ADGRD1: variants seen among roughly 807,000 people sequenced by gnomAD.
ADGRD1 encodes adhesion G protein-coupled receptor D1.
Under a neutral mutation model 113.4 loss-of-function variants are expected in ADGRD1, and 77 were observed. The ratio of observed to expected loss-of-function variants is 0.68; its 90% CI spans 0.57 to 0.82. The LOEUF (loss-of-function observed/expected upper bound fraction) is 0.82. Among genes scored for constraint, ADGRD1 ranks in the 40% least tolerant of loss-of-function variants. ADGRD1 has a pLI of 0.00. For missense variants in ADGRD1, 1,036 were observed against 1,139.1 expected (o/e 0.91, Z 1.30); for synonymous variants, 474 against 475.0 (o/e 1.00, Z 0.03).
At chr12:130,973,295 G>A (rs188515131) in intron 4 of ADGRD1, 2 of 152,340 alleles carry the variant, frequency 1.3e-5, no homozygotes, top group Admixed American at 6.5e-5. Flanking sequence ...TGGGGATCTT[G>A]GGCAACCACT....
intron 13 of ADGRD1, chr12:131,028,078 G>C (rs998344339): frequency 1.3e-5 from 2 of 152,188 alleles, no homozygotes; most frequent in African/African-American, 4.8e-5. Context: ...GCGGGCACTG[G>C]TTCACTCTCC....
rs374268471 is a variant in ADGRD1 at position 131,102,250 on chromosome 12, G to A, written c.1672-2581G>A. 3.6e-4 allele frequency among the ~76,000 whole-genome samples: 55 copies of A among 152,338 alleles called. No homozygotes were observed. In the South Asian group the frequency reaches 5.4e-3, roughly 15 times the overall value. ...AGAAACTGAGTTCCCTTCACCCACC[G>A]CGGCTATGCGATTAATGGGAGTAGC... is the stretch of plus-strand genomic sequence containing the variant. On this transcript the variant is annotated intron_variant, in intron 15 of 24. Coordinates refer to ENST00000261654, the MANE Select transcript of ADGRD1 (RefSeq NM_198827.5).
rs990493183 is a variant in ADGRD1 at position 131,050,768 on chromosome 12, C to T, written c.1474-26033C>T. 6.6e-6 allele frequency among the ~76,000 whole-genome samples: 1 copy of T among 152,066 alleles called. No homozygotes were observed. The highest frequency in any genetic ancestry group is 6.5e-5 in the Admixed American group (1 of 15,268). ...GCACGGATGGGGTGGGGGATGGATT[C>T]GGGATGAAACTGTTCCCCCTCAGAT... On this transcript the variant is annotated intron_variant, in intron 13 of 24. Coordinates refer to ENST00000261654, the MANE Select transcript of ADGRD1 (RefSeq NM_198827.5). This position sits in a 1 kb window ranked among gnomAD's most constrained non-coding sequence, Gnocchi z 4.8.
intron 13 of ADGRD1, among the ~76,000 whole-genome samples, chr12:131,020,372 A>G (rs1879188650): frequency 6.6e-6 from 1 of 151,254 alleles, no homozygotes; most frequent in Non-Finnish European, 1.5e-5. Context: ...TGCTTCAGGG[A>G]GATGTTCCAG....
rs551742599 is a variant in ADGRD1 at position 131,116,852 on chromosome 12, C to T, written c.2042-1533C>T. Among the ~76,000 whole-genome samples the T allele has an allele frequency of 5.9e-5, 9 of 152,360 alleles. No homozygotes were observed. In the South Asian group the frequency reaches 1.7e-3, roughly 28 times the overall value. The stretch of plus-strand genomic sequence containing the variant: ...TGTGCTCAGGGTGGCTGCACTAGAG[C>T]AGGCCCCGTGGATGATGCCCCACTT... On this transcript the variant is annotated intron_variant, in intron 18 of 24. Transcript: ENST00000261654.
At chr12:131,124,981 A>C (rs1725789) in intron 20 of ADGRD1, among the ~76,000 whole-genome samples, 1 of 152,054 alleles carries the variant, frequency 6.6e-6, no homozygotes, top group African/African-American at 2.4e-5. Context: ...AGGTGTCGTC[A>C]GGGTTGGTTC....
rs974165218 is a variant in ADGRD1 at position 131,075,936 on chromosome 12, A to G, written c.1474-865A>G. 1.3e-5 allele frequency among the ~76,000 whole-genome samples: 2 copies of G among 152,180 alleles called. No homozygotes were observed. The highest frequency in any genetic ancestry group is 2.1e-4 in the South Asian group (1 of 4,818). On this transcript the variant is annotated intron_variant, in intron 13 of 24. Transcript: ENST00000261654. The surrounding 1 kb of genome is among the most constrained non-coding windows in gnomAD (Gnocchi z 5.3). ...ACTGGGAATCCATCAGACACCATTT[A>G]TCCCGGAGCCATGCCACCTCTGAGC...
intron 13 of ADGRD1, among the ~76,000 whole-genome samples, chr12:131,037,491 T>A (rs1253515560): frequency 2.8e-5 from 3 of 107,116 alleles, no homozygotes; most frequent in East Asian, 3.1e-4. Context: ...CTCACTGCAC[T>A]GGGTCTTACT....
At chr12:131,017,273 C>G (rs1213082100) in intron 13 of ADGRD1, among the ~76,000 whole-genome samples, 2 of 144,764 alleles carry the variant, frequency 1.4e-5, no homozygotes, top group African/African-American at 2.6e-5. Context: ...CACACCCAGT[C>G]CACACACACC....
At position 131,134,601 on chromosome 12, in the gene ADGRD1, C is replaced by G. The variant is rs555097225; in HGVS notation, c.2268-1436C>G. ...TTTTATTGCATTAGCATTATGAGAA[C>G]AAGCTGGCTGCGGCTTCTCTGAGAG... On this transcript the variant is annotated intron_variant, in intron 21 of 24. Transcript: ENST00000261654. Among the ~76,000 whole-genome samples the G allele has an allele frequency of 1.3e-4, 20 of 152,328 alleles. No individual in the cohort carries two copies. The South Asian group carries it at 4.1e-3, about 32-fold the overall frequency.
chr12:131,078,341 A>G (rs994446425), intron 14 of ADGRD1, among the ~76,000 whole-genome samples: 2 of 152,186 alleles, frequency 1.3e-5, no homozygotes, highest in Non-Finnish European at 2.9e-5. Flanking sequence ...CACTCTGGCT[A>G]TGGCCGTCGG....
chr12:131,014,283 C>G lies in ADGRD1; in HGVS notation c.1416C>G (p.Thr472=). 6.2e-7 allele frequency: 1 copy of G among 1,614,086 alleles called. No homozygotes were observed. Among genetic ancestry groups the G allele is most frequent in the Non-Finnish European group, 8.5e-7 (1 of 1,179,926 alleles). The part of the protein sequence containing the change: ...LISLEVSPPP[T]LSQNLSGSPL... Reference sequence around the variant, plus strand: ...CCCTGGAGGTGTCCCCACCACCCACCCTGTCTCAGAACCTGTCGGGCTCTC... The same window carrying G: ...CCCTGGAGGTGTCCCCACCACCCACGCTGTCTCAGAACCTGTCGGGCTCTC... Residue 472 remains threonine (T), a synonymous_variant, in exon 13 of 25, where the codon ACC becomes ACG. Coordinates refer to ENST00000261654, the MANE Select transcript of ADGRD1 (RefSeq NM_198827.5).
At chr12:131,009,454 G>A (rs922541590) in intron 12 of ADGRD1, among the ~76,000 whole-genome samples, 1 of 152,218 alleles carries the variant, frequency 6.6e-6, no homozygotes, top group Non-Finnish European at 1.5e-5. Context: ...GTGTGCAGTT[G>A]ACTCTGGACT....
intron 15 of ADGRD1, among the ~76,000 whole-genome samples, chr12:131,090,385 G>A (rs1593195407): frequency 2.4e-5 from 2 of 83,180 alleles, no homozygotes; most frequent in African/African-American, 5.2e-5. Context: ...CGCACTGCTG[G>A]TCTTTGGGTT....
intron 13 of ADGRD1, among the ~76,000 whole-genome samples, chr12:131,033,025 C>A (rs1419162007): frequency 1.3e-5 from 2 of 152,186 alleles, no homozygotes; most frequent in Non-Finnish European, 2.9e-5. Flanking sequence ...TCACAGAGAC[C>A]ACTTCATTTG....
In ADGRD1 at chr12:131,020,409, C is replaced by A. The variant is rs151120115; in HGVS notation, c.1473+6069C>A. ...CCAGGACCCCAAGCTCCGGCCAGGGCAGGGCTCTGCCCCTCATGCATGCCT... is the reference window on the plus strand; with the variant it reads ...CCAGGACCCCAAGCTCCGGCCAGGGAAGGGCTCTGCCCCTCATGCATGCCT... On this transcript the variant is annotated intron_variant, in intron 13 of 24. Transcript: ENST00000261654. Among the ~76,000 whole-genome samples, 382 of 152,276 alleles carry A rather than the reference C, an allele frequency of 2.5e-3. 1 individual carries two copies. Among genetic ancestry groups the A allele is most frequent in the African/African-American group, 8.7e-3 (361 of 41,520 alleles).
chr12:131,049,442 T>A (rs1174522560), intron 13 of ADGRD1, among the ~76,000 whole-genome samples: 1 of 152,250 alleles, frequency 6.6e-6, no homozygotes, highest in African/African-American at 2.4e-5. Flanking sequence ...TGCCTACTTT[T>A]CCCTCACTCT....
At chr12:131,068,955 AC>A (rs1394244647) in intron 13 of ADGRD1, among the ~76,000 whole-genome samples, 1 of 152,192 alleles carries the variant, frequency 6.6e-6, no homozygotes, top group Admixed American at 6.5e-5. Flanking sequence ...CGGCAGGTAA[AC>A]GTGTTCATTC....
chr12:131,062,375 G>A (rs1451352662), intron 13 of ADGRD1, among the ~76,000 whole-genome samples: 1 of 152,206 alleles, frequency 6.6e-6, no homozygotes, highest in Non-Finnish European at 1.5e-5. Context: ...TAAAGCTGCT[G>A]TGAACAATTG....
Sources: allele counts gnomAD v4.1 joint callset (sites outside exome capture counted in the v4.1 genomes callset), GRCh38; gene constraint gnomAD v4.1.1; non-coding constraint Gnocchi (gnomAD v3.1); transcripts MANE v1.5; gene names NCBI Gene and HGNC (gene_info 2026-07-23, HGNC 2026-07-21).